Variants in TMEM14B observed in about 807,000 individuals in gnomAD.
TMEM14B encodes transmembrane protein 14B.
In TMEM14B, 9 loss-of-function variants were observed where a neutral mutation model predicts 14.8. That is an observed-to-expected ratio of 0.61 (90% confidence interval 0.37 to 1.06). The LOEUF is 1.06. Among genes scored for constraint, TMEM14B ranks in the 50% least tolerant of loss-of-function variants. TMEM14B has a pLI of 0.01. For missense variants in TMEM14B, 128 were observed against 143.6 expected (o/e 0.89, Z 0.56); for synonymous variants, 40 against 51.3 (o/e 0.78, Z 0.94).
chr6:10,752,451 CCTTTTTTTTT>C (rs762417767), intron 4 of TMEM14B, among the ~76,000 whole-genome samples: 1 of 142,114 alleles, frequency 7.0e-6, no homozygotes, highest in African/African-American at 2.7e-5. Flanking sequence ...TCATAAACTA[CCTTTTTTTTT>C]TTTTTTTTTT....
downstream of TMEM14B, chr6:10,758,915 T>C: frequency 6.6e-6 from 1 of 151,780 alleles, no homozygotes; most frequent in Non-Finnish European, 1.4e-5. Context: ...AATTCTTTTT[T>C]TTTTTTTTTT....
chr6:10,749,150 C>T (rs1771451386), intron 1 of TMEM14B, 52 bp from the exon 2 acceptor site: 10 of 1,279,298 alleles, frequency 7.8e-6, no homozygotes, highest in Admixed American at 3.5e-5. Flanking sequence ...TTCTTTCTGA[C>T]TGCTGGGGAG....
intron 4 of TMEM14B, 132 bp from the exon 5 acceptor site, chr6:10,755,010 C>T (rs1244643537): frequency 6.4e-6 from 6 of 943,590 alleles, no homozygotes; most frequent in African/African-American, 1.7e-5. Flanking sequence ...CTAGTAATCT[C>T]CCCTACTTGG....
intron 4 of TMEM14B, among the ~76,000 whole-genome samples, chr6:10,751,878 TAA>T: frequency 6.6e-6 from 1 of 152,022 alleles, no homozygotes; most frequent in East Asian, 1.9e-4. Context: ...GTGGAGGACA[TAA>T]GAGTCCTCAT....
intron 2 of TMEM14B, 79 bp downstream of exon 2, chr6:10,749,347 C>G (rs565414774): frequency 1.9e-6 from 3 of 1,564,620 alleles, no homozygotes; most frequent in Non-Finnish European, 1.8e-6. Flanking sequence ...GAAAAGAACC[C>G]TAAGAGTAGA....
intron 5 of TMEM14B, 35 bp from the exon 6 acceptor site, chr6:10,756,432 T>A (rs1273640897): frequency 6.2e-7 from 1 of 1,611,868 alleles, no homozygotes; most frequent in Non-Finnish European, 8.5e-7. Flanking sequence ...TTCTATCCTT[T>A]ACCTGATGTT....
At chr6:10,748,136 G>A (rs186636183) in intron 1 of TMEM14B, among the ~76,000 whole-genome samples, 24 of 152,270 alleles carry the variant, frequency 1.6e-4, no homozygotes, top group African/African-American at 5.5e-4. Flanking sequence ...TGGTGGTTTT[G>A]TTGCTCCAGC....
At chr6:10,751,293 A>G in intron 4 of TMEM14B, 59 bp downstream of exon 4, 1 of 1,592,980 alleles carries the variant, frequency 6.3e-7, no homozygotes, top group Admixed American at 1.7e-5. Flanking sequence ...TCTTTTCCAA[A>G]AGACCCTGGT....
intron 4 of TMEM14B, among the ~76,000 whole-genome samples, chr6:10,751,928 C>A (rs1327306228): frequency 6.6e-6 from 1 of 152,042 alleles, no homozygotes; most frequent in Non-Finnish European, 1.5e-5. Flanking sequence ...GAGCTCCACC[C>A]ATGTGTCAGA....
At chr6:10,758,004 A>G (rs543538868), downstream of TMEM14B, among the ~76,000 whole-genome samples, 391 of 152,168 alleles carry the variant, frequency 2.6e-3, 4 homozygotes, top group Non-Finnish European at 4.3e-3. Flanking sequence ...AAAAAAAAAA[A>G]AGATATTTGC....
chr6:10,752,723 G>GCC (rs1771638974), intron 4 of TMEM14B: 2 of 152,308 alleles, frequency 1.3e-5, no homozygotes, highest in Admixed American at 6.5e-5. Flanking sequence ...CTCCCGAAGT[G>GCC]CTGGGATTAC....
In TMEM14B at chr6:10,755,488, T is replaced by G. The variant is rs78869426; in HGVS notation, c.293+256T>G. 6.3e-3 allele frequency: 8,895 copies of G among 1,421,806 alleles called. 150 individuals carry two copies. The highest frequency in any genetic ancestry group is 0.061 in the African/African-American group (4,244 of 69,704). The allele number at this position is 1,421,806 out of a possible 1,614,324, so 88.1% of individuals were successfully genotyped here. A position where few individuals can be genotyped will look rare whatever the true frequency, so the allele number is the denominator to read the frequency against. ...TTCCTATATGGTGGCAGAAGTTTTA[T>G]TGCAAAGCTATGACTGCAGCCTTTT... On this transcript the variant is annotated intron_variant, in intron 5 of 5. Coordinates refer to ENST00000379542, the MANE Select transcript of TMEM14B (RefSeq NM_030969.5).
chr6:10,756,697 G>C lies in TMEM14B; in HGVS notation c.*179G>C. 1 of 1,357,560 alleles carries C rather than the reference G, an allele frequency of 7.4e-7. No individual in the cohort carries two copies. The highest frequency in any genetic ancestry group is 9.5e-7 in the Non-Finnish European group (1 of 1,055,062). 84.1% of individuals were successfully genotyped at this position (1,357,560 alleles called of 1,614,324 possible). A position where few individuals can be genotyped will look rare whatever the true frequency, so the allele number is the denominator to read the frequency against. On this transcript the variant is annotated 3_prime_UTR_variant, in exon 6 of 6. Coordinates refer to ENST00000379542, the MANE Select transcript of TMEM14B (RefSeq NM_030969.5). ...CAGTTGTTACCATTATAACCCTACA[G>C]AGGTGGTGAGCATGTAACATGAGCT...
At chr6:10,749,004 C>T (rs1408418019) in intron 1 of TMEM14B, among the ~76,000 whole-genome samples, 198 bp from the exon 2 acceptor site, 1 of 152,222 alleles carries the variant, frequency 6.6e-6, no homozygotes, top group East Asian at 1.9e-4. Context: ...TCAGGGTTTA[C>T]TAGGTGCTAA....
intron 1 of TMEM14B, among the ~76,000 whole-genome samples, chr6:10,748,866 T>A (rs1771439310): frequency 6.6e-6 from 1 of 151,840 alleles, no homozygotes; most frequent in Non-Finnish European, 1.5e-5. Context: ...GGCACGGGAG[T>A]ATTTGCTTTC....
chr6:10,751,572 A>C (rs1208955539), intron 4 of TMEM14B, among the ~76,000 whole-genome samples: 1 of 152,100 alleles, frequency 6.6e-6, no homozygotes, highest in African/African-American at 2.4e-5. Flanking sequence ...TACCCAGTAA[A>C]GTCAGCATTA....
At chr6:10,754,268 G>C (rs1353074762) in intron 4 of TMEM14B, among the ~76,000 whole-genome samples, 1 of 152,192 alleles carries the variant, frequency 6.6e-6, no homozygotes, top group Non-Finnish European at 1.5e-5. Context: ...CCTCTGCTTA[G>C]TATCCTTTAA....
At chr6:10,750,578 G>A (rs1464016752) in intron 3 of TMEM14B, among the ~76,000 whole-genome samples, 1 of 152,032 alleles carries the variant, frequency 6.6e-6, no homozygotes, top group Non-Finnish European at 1.5e-5. Flanking sequence ...CGGGGCTTTG[G>A]GCATTATCAA....
Position 10,749,204 on chromosome 6 carries a change from G to A in TMEM14B, c.-42G>A, listed in dbSNP as rs752092772. 2.1e-5 allele frequency: 34 copies of A among 1,610,140 alleles called. No homozygotes were observed. The highest frequency in any genetic ancestry group is 2.5e-5 in the Non-Finnish European group (30 of 1,176,712). ...CTGATCCGGCTTGTTTTCCCCAGAT[G>A]CAGGCCTGGGGTAGTCTCCTTTCTG... is the stretch of plus-strand genomic sequence containing the variant. On this transcript the variant is annotated splice_region_variant and 5_prime_UTR_variant, in exon 2 of 6. An upstream start codon of the reference 5' UTR is lost. Coordinates refer to ENST00000379542, the MANE Select transcript of TMEM14B (RefSeq NM_030969.5).
Sources: allele counts gnomAD v4.1 joint callset (sites outside exome capture counted in the v4.1 genomes callset), GRCh38; gene constraint gnomAD v4.1.1; transcripts MANE v1.5; gene names NCBI Gene and HGNC (gene_info 2026-07-23, HGNC 2026-07-21).